RGMA: variants seen among roughly 807,000 people sequenced by gnomAD.
RGMA encodes repulsive guidance molecule BMP co-receptor a, also known as repulsive guidance molecule A.
A neutral mutation model predicts 23.2 loss-of-function variants in RGMA; 10 were observed. The observed-to-expected ratio is 0.43, with a 90% CI of 0.27 to 0.73. The LOEUF (loss-of-function observed/expected upper bound fraction) is 0.73. Among genes scored for constraint, RGMA ranks in the 30% least tolerant of loss-of-function variants. The probability of loss-of-function intolerance (pLI) is 0.20; values close to 1 mark genes in which losing one functional copy is unlikely to be tolerated. For missense variants in RGMA, 547 were observed against 630.5 expected (o/e 0.87, Z 1.42); for synonymous variants, 308 against 279.3 (o/e 1.10, Z -1.03).
At position 93,044,918 on chromosome 15, in the gene RGMA, C is replaced by A; in HGVS notation, c.*80G>T. 8.1e-7 allele frequency: 1 copy of A among 1,228,220 alleles called. No homozygotes were observed. Among genetic ancestry groups the A allele is most frequent in the Non-Finnish European group, 1.1e-6 (1 of 883,998 alleles). The allele number at this position is 1,228,220 out of a possible 1,614,324, so 76.1% of individuals were successfully genotyped here. A position where few individuals can be genotyped will look rare whatever the true frequency, so the allele number is the denominator to read the frequency against. On this transcript the variant is annotated 3_prime_UTR_variant, in exon 4 of 4. Coordinates refer to ENST00000329082, the MANE Select transcript of RGMA (RefSeq NM_020211.3). ...GGCCATGGTGGACACGCCAGGAGATCTGCACCCCGTGGGCGGTCCCAGCCC... is the reference window on the plus strand; with the variant it reads ...GGCCATGGTGGACACGCCAGGAGATATGCACCCCGTGGGCGGTCCCAGCCC...
At chr15:93,084,931 C>G (rs1197235081) in intron 1 of RGMA, among the ~76,000 whole-genome samples, 1 of 152,034 alleles carries the variant, frequency 6.6e-6, no homozygotes, top group African/African-American at 2.4e-5. Flanking sequence ...TAGGGGCCTT[C>G]AGGGGTAGGT....
chr15:93,051,918 C>T (rs1179818951), intron 3 of RGMA, 75 bp downstream of exon 3: 2 of 1,448,830 alleles, frequency 1.4e-6, no homozygotes, highest in African/African-American at 1.4e-5. Flanking sequence ...CCGAGGCCCT[C>T]TCAGCCTCTC....
chr15:93,073,561 T>C, intron 1 of RGMA: 1 of 1,528,086 alleles, frequency 6.5e-7, no homozygotes, highest in Non-Finnish European at 8.8e-7. Flanking sequence ...ATCCCAGCCC[T>C]ACTTTCCAAC....
chr15:93,038,695 C>G lies in RGMA; in HGVS notation c.*6303G>C, dbSNP rs945922115. 3.3e-5 allele frequency: 5 copies of G among 151,714 alleles called. No homozygotes were observed. The highest frequency in any genetic ancestry group is 7.4e-5 in the Non-Finnish European group (5 of 67,990). 9.4% of individuals were successfully genotyped at this position (151,714 alleles called of 1,614,324 possible). On this transcript the variant is annotated 3_prime_UTR_variant, in exon 4 of 4. Transcript: ENST00000329082. ...GTTCACGCCACTCTCTTGCCTCAGCCTCCCGAGTAGCTGGGACTACAGGCG... is the reference window on the plus strand; with the variant it reads ...GTTCACGCCACTCTCTTGCCTCAGCGTCCCGAGTAGCTGGGACTACAGGCG...
chr15:93,074,177 A>C, intron 1 of RGMA: 3 of 274,208 alleles, frequency 1.1e-5, no homozygotes, highest in Non-Finnish European at 1.8e-5. Flanking sequence ...TCCTCCCGCC[A>C]CCCTCCTCAC....
intron 1 of RGMA, chr15:93,073,659 C>T: frequency 6.5e-7 from 1 of 1,537,252 alleles, no homozygotes; most frequent in Non-Finnish European, 8.7e-7. Context: ...CTGAAAAACC[C>T]ACTTCCGAGT....
At chr15:93,077,798 C>T (rs1033471743) in intron 1 of RGMA, among the ~76,000 whole-genome samples, 2 of 152,236 alleles carry the variant, frequency 1.3e-5, no homozygotes, top group Non-Finnish European at 2.9e-5. Context: ...ACCTCCGCCT[C>T]CTGGGTTCAA....
intron 2 of RGMA, chr15:93,066,525 C>A: frequency 4.1e-6 from 2 of 488,548 alleles, no homozygotes; most frequent in Non-Finnish European, 7.8e-6. Flanking sequence ...TCCGCCCCTG[C>A]CACCGCCCTC....
intron 3 of RGMA, 59 bp downstream of exon 3, chr15:93,051,934 C>G (rs1255402257): frequency 6.7e-7 from 1 of 1,499,504 alleles, no homozygotes; most frequent in Non-Finnish European, 9.0e-7. Flanking sequence ...CTCTCAGTGT[C>G]CACGCAGGGC....
intron 3 of RGMA, 174 bp downstream of exon 3, chr15:93,051,819 G>A (rs961006609): frequency 1.2e-5 from 8 of 662,996 alleles, no homozygotes; most frequent in Non-Finnish European, 1.5e-5. Context: ...GAGGAAGGAG[G>A]GAGGAAGCTG....
At chr15:93,064,540 AGCCAGCCAGGCTCCT>A (rs1358072032) in intron 2 of RGMA, among the ~76,000 whole-genome samples, 1 of 152,208 alleles carries the variant, frequency 6.6e-6, no homozygotes, top group Non-Finnish European at 1.5e-5. Context: ...AACAAATGCA[AGCCAGCCAGGCTCCT>A]GCCCAGCCTG....
chr15:93,048,134 T>TG (rs2054856870), intron 3 of RGMA, among the ~76,000 whole-genome samples: 1 of 151,972 alleles, frequency 6.6e-6, no homozygotes, highest in African/African-American at 2.4e-5. Context: ...TACAAGCCAG[T>TG]GGGGTATTCA....
Position 93,052,005 on chromosome 15 carries a change from A to C in RGMA, c.633T>G (p.Thr211=), listed in dbSNP as rs1567181630. 6.2e-6 allele frequency: 10 copies of C among 1,603,562 alleles called. No individual in the cohort carries two copies. The Middle Eastern group carries it at 5.0e-4, about 80-fold the overall frequency. ...NTPVLPGSAA[T]ATSKLTIIFK... ...CCCTCCCCCTTACCTTGCTGGTGGC[A>C]GTGGCCGCTGAGCCGGGCAGCACAG... The change falls in exon 3 of 4, where the codon ACT becomes ACG. Residue 211 remains threonine (T), a synonymous_variant. Coordinates refer to ENST00000329082, the MANE Select transcript of RGMA (RefSeq NM_020211.3).
intron 1 of RGMA, chr15:93,088,609 C>T (rs925583107): frequency 4.4e-5 from 47 of 1,062,710 alleles, no homozygotes; most frequent in Non-Finnish European, 5.1e-5. Flanking sequence ...GCGAGCCGGG[C>T]TGAGGGAAGG....
intron 1 of RGMA, among the ~76,000 whole-genome samples, chr15:93,079,334 A>G (rs1416035180): frequency 2.6e-5 from 4 of 152,174 alleles, no homozygotes; most frequent in African/African-American, 9.7e-5. Context: ...GAAAGTCTAA[A>G]CAGAATTCAT....
rs140718371 is a variant in RGMA, at chr15:93,067,822, G to A, written c.130+5094C>T. 3.6e-3 allele frequency among the ~76,000 whole-genome samples: 551 copies of A among 152,298 alleles called. 3 individuals are homozygous for A. The highest frequency in any genetic ancestry group is 0.017 in the Middle Eastern group (5 of 294). ...GGCCATGAGCAGCCATGAGCTCCTG[G>A]GCAGGAGTTTCAGAGTGATTCATTT... On this transcript the variant is annotated intron_variant, in intron 2 of 3. Coordinates refer to ENST00000329082, the MANE Select transcript of RGMA (RefSeq NM_020211.3).
chr15:93,088,468 C>T (rs914790980), intron 1 of RGMA: 13 of 987,394 alleles, frequency 1.3e-5, no homozygotes, highest in Non-Finnish European at 1.6e-5. Context: ...ACTGCGCCGA[C>T]ATCCCCGAGG....
chr15:93,044,967 G>A lies in RGMA; in HGVS notation c.*31C>T, dbSNP rs914564257. On this transcript the variant is annotated 3_prime_UTR_variant, in exon 4 of 4. Coordinates refer to ENST00000329082, the MANE Select transcript of RGMA (RefSeq NM_020211.3). ...CCACACATGGGGAAGCCGAGAGGAC[G>A]GAGCCCGCGCCTCCCTCCACATCTA... is the stretch of plus-strand genomic sequence containing the variant. 2.1e-5 allele frequency: 32 copies of A among 1,540,942 alleles called. No homozygotes were observed. The highest frequency in any genetic ancestry group is 3.6e-5 in the South Asian group (3 of 83,674).
intron 2 of RGMA, among the ~76,000 whole-genome samples, chr15:93,071,443 G>T (rs1482159092): frequency 1.3e-5 from 2 of 152,146 alleles, no homozygotes; most frequent in African/African-American, 4.8e-5. Context: ...ACTTTTTGGG[G>T]ATACCAAGAT....
Sources: allele counts gnomAD v4.1 joint callset (sites outside exome capture counted in the v4.1 genomes callset), GRCh38; gene constraint gnomAD v4.1.1; transcripts MANE v1.5; gene names NCBI Gene and HGNC (gene_info 2026-07-23, HGNC 2026-07-21).